COBLL1: variants seen among roughly 807,000 people sequenced by gnomAD.
COBLL1 encodes cordon-bleu protein-like 1.
A neutral mutation model predicts 94.8 loss-of-function variants in COBLL1; 50 were observed. The observed-to-expected ratio is 0.53, with a 90% confidence interval of 0.42 to 0.67. The LOEUF (loss-of-function observed/expected upper bound fraction) is 0.67. COBLL1 is among the 30% of genes least tolerant of loss of function. The probability of loss-of-function intolerance (pLI) is 0.00; values close to 1 mark genes in which losing one functional copy is unlikely to be tolerated. For synonymous variants in COBLL1, 448 were observed against 473.8 expected (o/e 0.95, Z 0.71); for missense variants, 1,362 against 1,348.7 (o/e 1.01, Z -0.15).
At chr2:164,742,463 T>G (rs116074206) in intron 3 of COBLL1, among the ~76,000 whole-genome samples, 2 of 152,072 alleles carry the variant, frequency 1.3e-5, no homozygotes, top group East Asian at 3.8e-4. Context: ...ATTTCAAGAA[T>G]TGATGATAAT....
intron 7 of COBLL1, among the ~76,000 whole-genome samples, chr2:164,709,257 CTG>C (rs1218135214): frequency 2.6e-5 from 4 of 151,930 alleles, no homozygotes; most frequent in African/African-American, 7.3e-5. Flanking sequence ...ATGAAGATAA[CTG>C]GGGGAAATGC....
downstream of COBLL1, among the ~76,000 whole-genome samples, chr2:164,679,429 G>GA (rs895753114): frequency 6.6e-5 from 10 of 150,520 alleles, no homozygotes; most frequent in African/African-American, 1.2e-4. Context: ...CATTGCAAAG[G>GA]AAAAAAAAAC....
At chr2:164,746,863 G>A (rs1686883913) in intron 2 of COBLL1, among the ~76,000 whole-genome samples, 1 of 152,066 alleles carries the variant, frequency 6.6e-6, no homozygotes, top group Non-Finnish European at 1.5e-5. Context: ...TACAGAGTCT[G>A]CTCCTGACCT....
intron 2 of COBLL1, among the ~76,000 whole-genome samples, chr2:164,804,393 AAT>A (rs1167753673): frequency 6.6e-6 from 1 of 152,196 alleles, no homozygotes; most frequent in Non-Finnish European, 1.5e-5. Context: ...AAATGAAAAT[AAT>A]AAAAGTTTAC....
At chr2:164,660,728 A>G (rs1691056885) in intron 2 of COBLL1, among the ~76,000 whole-genome samples, 1 of 152,198 alleles carries the variant, frequency 6.6e-6, no homozygotes. Flanking sequence ...ATCTAATTTT[A>G]AGTTCATATG....
rs182157794 is a variant in COBLL1 at position 164,814,920 on chromosome 2, C to A, written c.41+26236G>T. 3.9e-5 allele frequency among the ~76,000 whole-genome samples: 6 copies of A among 152,304 alleles called. No individual in the cohort carries two copies. The East Asian group carries it at 1.2e-3, about 29-fold the overall frequency. ...GGAGCCAAAAAATGACTATATTTGA[C>A]ATAAGTGTCTCAGCATTTTAGTCTC... is the stretch of plus-strand genomic sequence containing the variant. On this transcript the variant is annotated intron_variant, in intron 2 of 13. Coordinates refer to ENST00000652658, the MANE Select transcript of COBLL1 (RefSeq NM_001365672.2).
chr2:164,756,662 G>A (rs1049796756), intron 2 of COBLL1, among the ~76,000 whole-genome samples: 9 of 151,942 alleles, frequency 5.9e-5, no homozygotes, highest in Non-Finnish European at 1.0e-4. Flanking sequence ...TGGGCGATAC[G>A]GCAGGGAGAA....
intron 2 of COBLL1, among the ~76,000 whole-genome samples, chr2:164,806,236 T>C (rs943792330): frequency 2.6e-5 from 4 of 152,178 alleles, no homozygotes; most frequent in African/African-American, 9.7e-5. Flanking sequence ...CCAAGGAATA[T>C]ACAGTGACTA....
At position 164,683,505 on chromosome 2, in the gene COBLL1, A is replaced by G. The variant is rs916491557; in HGVS notation, c.*2441T>C. The G allele has an allele frequency of 6.6e-6, 1 of 152,076 alleles. No individual in the cohort carries two copies. The highest frequency in any genetic ancestry group is 2.4e-5 in the African/African-American group (1 of 41,436). 9.4% of individuals were successfully genotyped at this position (152,076 alleles called of 1,614,324 possible). Reference sequence around the variant, plus strand: ...TATGTGACCTTTAAAACATTATTTTATTATAATTATAAACTACAAGTATAC... The same window carrying G: ...TATGTGACCTTTAAAACATTATTTTGTTATAATTATAAACTACAAGTATAC... On this transcript the variant is annotated 3_prime_UTR_variant, in exon 14 of 14. Transcript: ENST00000652658.
intron 2 of COBLL1, among the ~76,000 whole-genome samples, chr2:164,793,239 A>G (rs897634763): frequency 2.6e-5 from 4 of 152,162 alleles, no homozygotes; most frequent in African/African-American, 9.7e-5. Flanking sequence ...AAATCTGTTT[A>G]GCTAGAACAA....
intron 2 of COBLL1, among the ~76,000 whole-genome samples, chr2:164,746,267 G>T (rs1270141527): frequency 6.6e-6 from 1 of 152,084 alleles, no homozygotes; most frequent in Admixed American, 6.6e-5. Context: ...TCATAATCTA[G>T]TCTCAACGAA....
chr2:164,792,712 C>T lies in COBLL1; in HGVS notation c.41+48444G>A, dbSNP rs563287439. Among the ~76,000 whole-genome samples the T allele has an allele frequency of 9.1e-4, 138 of 152,254 alleles. 1 individual carries two copies. The highest frequency in any genetic ancestry group is 2.2e-3 in the Admixed American group (34 of 15,292). On this transcript the variant is annotated intron_variant, in intron 2 of 13. Transcript: ENST00000652658. ...CTTTAGAGGAAAAAGACATAATTGT[C>T]CCTTTCAAGTATTTATAACATCAAT...
At chr2:164,701,330 T>C (rs901942268) in intron 9 of COBLL1, among the ~76,000 whole-genome samples, 4 of 152,198 alleles carry the variant, frequency 2.6e-5, no homozygotes, top group African/African-American at 9.6e-5. Context: ...GATTCTACTA[T>C]GCAACCTCAG....
At chr2:164,675,416 G>A (rs538746848), downstream of COBLL1, among the ~76,000 whole-genome samples, 2 of 152,238 alleles carry the variant, frequency 1.3e-5, no homozygotes, top group South Asian at 4.1e-4. Context: ...AGATATCAAA[G>A]AGGCTTGAGG....
At chr2:164,714,110 C>T (rs1486433919) in intron 7 of COBLL1, among the ~76,000 whole-genome samples, 3 of 151,642 alleles carry the variant, frequency 2.0e-5, no homozygotes, top group African/African-American at 7.3e-5. Context: ...CAGGCCAGGT[C>T]AGGACTTCTT....
At chr2:164,756,149 T>C (rs1687396946) in intron 2 of COBLL1, among the ~76,000 whole-genome samples, 1 of 152,152 alleles carries the variant, frequency 6.6e-6, no homozygotes, top group African/African-American at 2.4e-5. Context: ...TGAGCACTTA[T>C]TTTCCTTTGG....
intron 7 of COBLL1, among the ~76,000 whole-genome samples, chr2:164,715,992 G>T (rs2105483381): frequency 6.6e-6 from 1 of 152,280 alleles, no homozygotes; most frequent in African/African-American, 2.4e-5. Flanking sequence ...AATTCTATGG[G>T]TCAAGATTAC....
chr2:164,667,502 T>C (rs1180811594), intron 1 of COBLL1, among the ~76,000 whole-genome samples: 1 of 152,236 alleles, frequency 6.6e-6, no homozygotes, highest in Non-Finnish European at 1.5e-5. Flanking sequence ...GTTTTGTCTA[T>C]GTTAAAAATC....
At chr2:164,727,153 G>A in intron 5 of COBLL1, 1 of 1,484,182 alleles carries the variant, frequency 6.7e-7, no homozygotes, top group South Asian at 1.2e-5. Flanking sequence ...GGCTACAGAA[G>A]GAGGGGTATA....
Sources: allele counts gnomAD v4.1 joint callset (sites outside exome capture counted in the v4.1 genomes callset), GRCh38; gene constraint gnomAD v4.1.1; transcripts MANE v1.5; gene names NCBI Gene and HGNC (gene_info 2026-07-23, HGNC 2026-07-21).